HERPUD1: variants seen among roughly 807,000 people sequenced by gnomAD.
HERPUD1 encodes homocysteine inducible ER protein with ubiquitin like domain 1.
A neutral mutation model predicts 45.0 loss-of-function variants in HERPUD1; 17 were observed. The ratio of observed to expected loss-of-function variants is 0.38; its 90% CI spans 0.26 to 0.57. The LOEUF is 0.57. Among genes scored for constraint, HERPUD1 ranks in the 20% least tolerant of loss-of-function variants. The probability of loss-of-function intolerance (pLI) is 0.72; values close to 1 mark genes in which losing one functional copy is unlikely to be tolerated. For missense variants in HERPUD1, 420 were observed against 490.5 expected (o/e 0.86, Z 1.36); for synonymous variants, 164 against 177.5 (o/e 0.92, Z 0.61).
Position 56,943,332 on chromosome 16 carries a change from G to C in HERPUD1, c.*42G>C. 6.2e-7 allele frequency: 1 copy of C among 1,610,720 alleles called. No homozygotes were observed. The highest frequency in any genetic ancestry group is 8.5e-7 in the Non-Finnish European group (1 of 1,177,026). On this transcript the variant is annotated 3_prime_UTR_variant, in exon 8 of 8. Transcript: ENST00000439977. ...GCTGTTGGAGGCTTTGACAGGAATG[G>C]ACTGGATCACCTGACTCCAGCTAGA... is the stretch of plus-strand genomic sequence containing the variant.
At chr16:56,932,750 G>C (rs1321017785) in intron 1 of HERPUD1, among the ~76,000 whole-genome samples, 6 of 152,230 alleles carry the variant, frequency 3.9e-5, no homozygotes, top group Non-Finnish European at 7.3e-5. Flanking sequence ...CAGCCTCTCT[G>C]CAGGGAGAGG....
chr16:56,943,059 T>C lies in HERPUD1; in HGVS notation c.1012-67T>C. 15 of 1,495,826 alleles carry C rather than the reference T, an allele frequency of 1.0e-5. No homozygotes were observed. The South Asian group carries it at 1.6e-4, about 16-fold the overall frequency. The allele number at this position is 1,495,826 out of a possible 1,614,324, so 92.7% of individuals were successfully genotyped here. On this transcript the variant is annotated intron_variant, in intron 7 of 7. Coordinates refer to ENST00000439977, the MANE Select transcript of HERPUD1 (RefSeq NM_014685.4). ...TTACCCTGCCCTTTCCTAACATTAT[T>C]TGGTGTTCATCATAGCCCTAATTGT... is the stretch of plus-strand genomic sequence containing the variant.
chr16:56,936,704 G>A lies in HERPUD1; in HGVS notation c.318G>A (p.Glu106=). 1 of 1,613,268 alleles carries A rather than the reference G, an allele frequency of 6.2e-7. No individual in the cohort carries two copies. The highest frequency in any genetic ancestry group is 1.1e-5 in the South Asian group (1 of 90,970). ...EINAKVAEST[E]EPAGSNRGQY... ...TTATTTAGGTGGCTGAATCCACAGA[G>A]GAGCCTGCTGGTTCTAATCGGGGAC... Residue 106 remains glutamate, a synonymous_variant, in exon 4 of 8, where the codon GAG becomes GAA. Transcript: ENST00000439977.
chr16:56,934,940 G>C (rs1237132981), intron 1 of HERPUD1: 8 of 320,298 alleles, frequency 2.5e-5, no homozygotes, highest in Admixed American at 2.2e-4. Flanking sequence ...TCGAACCCCT[G>C]ACCTCAGGTG....
chr16:56,944,784 A>G lies in HERPUD1; in HGVS notation c.*1494A>G, dbSNP rs1226412723. 1 of 152,144 alleles carries G rather than the reference A, an allele frequency of 6.6e-6. No homozygotes were observed. Among genetic ancestry groups the G allele is most frequent in the Non-Finnish European group, 1.5e-5 (1 of 68,048 alleles). The allele number at this position is 152,144 out of a possible 1,614,324, so 9.4% of individuals were successfully genotyped here. A position where few individuals can be genotyped will look rare whatever the true frequency, so the allele number is the denominator to read the frequency against. On this transcript the variant is annotated 3_prime_UTR_variant, in exon 8 of 8. Coordinates refer to ENST00000439977, the MANE Select transcript of HERPUD1 (RefSeq NM_014685.4). The stretch of plus-strand genomic sequence containing the variant: ...CACCCAGCCAGGGACTAATCTTTAA[A>G]GCAAAGTTTTATATATTTTTACGTG...
In HERPUD1 at chr16:56,939,875, C is replaced by T. The variant is rs1229973250; in HGVS notation, c.555-20C>T. 8 of 1,591,132 alleles carry T rather than the reference C, an allele frequency of 5.0e-6. No individual in the cohort carries two copies. In the African/African-American group the frequency reaches 9.4e-5, roughly 19 times the overall value. ...GTGCTTTGGTCTCAACAGTATCTGC[C>T]TCTGTCGTTTTTATTTTAGTTTAGC... is the stretch of plus-strand genomic sequence containing the variant. On this transcript the variant is annotated intron_variant, in intron 5 of 7. Transcript: ENST00000439977.
intron 5 of HERPUD1, 129 bp from the exon 6 acceptor site, chr16:56,939,766 T>G (rs538407649): frequency 1.5e-6 from 1 of 687,452 alleles, no homozygotes; most frequent in African/African-American, 1.8e-5. Context: ...CTTCACTAAA[T>G]TGAAGAAAAA....
At chr16:56,935,093 G>A in intron 1 of HERPUD1, 142 bp from the exon 2 acceptor site, 2 of 633,978 alleles carry the variant, frequency 3.2e-6, no homozygotes, top group Non-Finnish European at 5.7e-6. Flanking sequence ...TCTTGTATAT[G>A]GGGCTTTTGA....
chr16:56,942,499 A>G (rs1184320030), intron 7 of HERPUD1, among the ~76,000 whole-genome samples: 2 of 152,220 alleles, frequency 1.3e-5, no homozygotes, highest in African/African-American at 4.8e-5. Flanking sequence ...TTGAGCGTTC[A>G]GTGGTCTGTA....
rs369156763 is a variant in HERPUD1, at chr16:56,939,299, A to G, written c.494A>G (p.Tyr165Cys). The G allele has an allele frequency of 1.9e-6, 3 of 1,614,190 alleles. No homozygotes were observed. Among genetic ancestry groups the G allele is most frequent in the South Asian group, 1.1e-5 (1 of 91,086 alleles). ...LGPGFSGYTP[Y>C]GWLQLSWFQQ... Reference sequence around the variant, plus strand: ...CCTGGTTTCTCCGGTTACACACCCTATGGGTGGCTTCAGCTTTCCTGGTTC... The same window carrying G: ...CCTGGTTTCTCCGGTTACACACCCTGTGGGTGGCTTCAGCTTTCCTGGTTC... Residue 165 changes from tyrosine to cysteine, a missense_variant, in exon 5 of 8, where the codon TAT becomes TGT. Tyr to Cys is a radical substitution (Grantham distance 194). Coordinates refer to ENST00000439977, the MANE Select transcript of HERPUD1 (RefSeq NM_014685.4).
chr16:56,935,176 G>A, intron 1 of HERPUD1, 59 bp from the exon 2 acceptor site: 2 of 1,164,568 alleles, frequency 1.7e-6, no homozygotes. Flanking sequence ...TTTATTCTGT[G>A]TTTAGGAACT....
intron 3 of HERPUD1, chr16:56,935,926 A>AT (rs572259191): frequency 0.019 from 2,957 of 154,834 alleles, 33 homozygotes; most frequent in African/African-American, 0.035. Flanking sequence ...TCTTTAAAGA[A>AT]TTTTTTTTTT....
rs775886878 is a variant in HERPUD1 at position 56,942,114 on chromosome 16, T to G, written c.906-18T>G. 3 of 1,602,662 alleles carry G rather than the reference T, an allele frequency of 1.9e-6. No individual in the cohort carries two copies. The highest frequency in any genetic ancestry group is 2.6e-6 in the Non-Finnish European group (3 of 1,169,530). ...TGTGACATCAGCTAAGATGGACTTT[T>G]ATGTGCTTCCTTTGAAGGCATCACG... On this transcript the variant is annotated intron_variant, in intron 6 of 7. Transcript: ENST00000439977.
At chr16:56,936,891 A>G (rs1334000590) in intron 4 of HERPUD1, 74 bp downstream of exon 4, 7 of 1,530,654 alleles carry the variant, frequency 4.6e-6, no homozygotes, top group South Asian at 1.2e-5. Flanking sequence ...AGAATAAGGT[A>G]TGTTTACACG....
At chr16:56,941,346 G>T (rs975344491) in intron 6 of HERPUD1, 7 of 152,208 alleles carry the variant, frequency 4.6e-5, no homozygotes, top group African/African-American at 1.2e-4. Flanking sequence ...CTCCCCAGGG[G>T]ACATTTGGCA....
In HERPUD1 at chr16:56,940,073, C is replaced by A; in HGVS notation, c.733C>A (p.Arg245=). The change falls in exon 6 of 8, where the codon CGG becomes AGG. Residue 245 remains arginine (R), a synonymous_variant. Coordinates refer to ENST00000439977, the MANE Select transcript of HERPUD1 (RefSeq NM_014685.4). ...VVNPGANQNL[R]MNAQGGPIVE... ...TAATCCTGGAGCCAATCAAAATTTGCGGATGAATGCACAAGGTGGCCCTAT... is the reference window on the plus strand; with the variant it reads ...TAATCCTGGAGCCAATCAAAATTTGAGGATGAATGCACAAGGTGGCCCTAT... 3.1e-6 allele frequency: 5 copies of A among 1,614,150 alleles called. No individual in the cohort carries two copies. Among genetic ancestry groups the A allele is most frequent in the Non-Finnish European group, 4.2e-6 (5 of 1,180,028 alleles).
rs75874809 is a variant in HERPUD1, at chr16:56,941,934, A to C, written c.906-198A>C. 801 of 539,712 alleles carry C rather than the reference A, an allele frequency of 1.5e-3. 8 individuals carry two copies. The highest frequency in any genetic ancestry group is 0.014 in the African/African-American group (734 of 52,414). 33.4% of individuals were successfully genotyped at this position (539,712 alleles called of 1,614,324 possible). A position where few individuals can be genotyped will look rare whatever the true frequency, so the allele number is the denominator to read the frequency against. ...ATGGCTGGGTGTGCAATGATGAATAAAACACAGTCCCTGCCTTCAAGGACC... is the reference window on the plus strand; with the variant it reads ...ATGGCTGGGTGTGCAATGATGAATACAACACAGTCCCTGCCTTCAAGGACC... On this transcript the variant is annotated intron_variant, in intron 6 of 7. Transcript: ENST00000439977.
At chr16:56,932,437 C>T (rs754109541) in intron 1 of HERPUD1, 46 bp downstream of exon 1, 1 of 1,466,290 alleles carries the variant, frequency 6.8e-7, no homozygotes. Context: ...GGCCCCCCGC[C>T]CTCTGCTGGG....
Position 56,932,171 on chromosome 16 carries a change from G to C in HERPUD1, c.-74G>C. On this transcript the variant is annotated 5_prime_UTR_variant, in exon 1 of 8. Coordinates refer to ENST00000439977, the MANE Select transcript of HERPUD1 (RefSeq NM_014685.4). ...CAGAGACGTGAACTGTCGTTGCAGA[G>C]ATTGCGGGCGGCTGAGACGCCGCCT... The C allele has an allele frequency of 4.5e-6, 7 of 1,567,048 alleles. No individual in the cohort carries two copies. Among genetic ancestry groups the C allele is most frequent in the Non-Finnish European group, 6.0e-6 (7 of 1,163,286 alleles).
Sources: allele counts gnomAD v4.1 joint callset (sites outside exome capture counted in the v4.1 genomes callset), GRCh38; gene constraint gnomAD v4.1.1; transcripts MANE v1.5; gene names NCBI Gene and HGNC (gene_info 2026-07-23, HGNC 2026-07-21).